Variants in WWOX observed in about 807,000 individuals in gnomAD.
WWOX encodes the protein WW domain containing oxidoreductase.
A neutral mutation model predicts 46.2 loss-of-function variants in WWOX; 69 were observed. The observed-to-expected ratio is 1.49, with a 90% CI of 1.23 to 1.82. WWOX has a LOEUF of 1.82. Ranked by LOEUF, WWOX falls within the 40% of genes most tolerant of loss-of-function variation. WWOX has a pLI of 0.00. For synonymous variants in WWOX, 359 were observed against 202.6 expected (o/e 1.77, Z -6.56); for missense variants, 919 against 542.6 (o/e 1.69, Z -6.89).
At chr16:79,204,171 A>G (rs1362106539) in intron 8 of WWOX, 3 of 152,174 alleles carry the variant, frequency 2.0e-5, no homozygotes, top group Non-Finnish European at 2.9e-5. Flanking sequence ...CCTATTCATA[A>G]AGAAACTGTA....
chr16:79,000,871 A>T (rs186264549), intron 8 of WWOX, among the ~76,000 whole-genome samples: 1 of 152,060 alleles, frequency 6.6e-6, no homozygotes, highest in East Asian at 1.9e-4. Flanking sequence ...TGGCATTGCC[A>T]TGGTTTGTCA....
intron 8 of WWOX, among the ~76,000 whole-genome samples, chr16:78,973,898 G>T (rs1462597087): frequency 2.0e-5 from 3 of 152,214 alleles, no homozygotes; most frequent in African/African-American, 7.2e-5. Flanking sequence ...AAATTTGCAT[G>T]TGTAGAATTT....
intron 8 of WWOX, among the ~76,000 whole-genome samples, chr16:78,463,920 A>C (rs2738660): frequency 0.3 from 46,226 of 152,002 alleles, 8,803 homozygotes; most frequent in African/African-American, 0.55. Context: ...AGGATGTTCA[A>C]TTTGTACTGC....
intron 8 of WWOX, among the ~76,000 whole-genome samples, chr16:78,452,856 C>T (rs2083724875): frequency 7.5e-6 from 1 of 133,044 alleles, no homozygotes; most frequent in Non-Finnish European, 1.5e-5. Context: ...TATTGTTTTC[C>T]AGTGAGCTAT....
chr16:78,777,596 A>T (rs1032892482), intron 8 of WWOX, among the ~76,000 whole-genome samples: 1 of 152,148 alleles, frequency 6.6e-6, no homozygotes, highest in Non-Finnish European at 1.5e-5. Flanking sequence ...TAACACAGAG[A>T]CATGTACAGG....
intron 8 of WWOX, among the ~76,000 whole-genome samples, chr16:78,669,780 G>T (rs952706757): frequency 6.6e-6 from 1 of 152,044 alleles, no homozygotes; most frequent in Non-Finnish European, 1.5e-5. Context: ...ATCCCACATG[G>T]CACCCCTATT....
chr16:78,381,863 T>A (rs1004927845), intron 5 of WWOX, among the ~76,000 whole-genome samples: 1 of 152,076 alleles, frequency 6.6e-6, no homozygotes, highest in Non-Finnish European at 1.5e-5. Context: ...GGTGGTGGGA[T>A]TTTTTTCTTT....
intron 8 of WWOX, among the ~76,000 whole-genome samples, chr16:79,094,511 C>G (rs940059754): frequency 3.9e-5 from 6 of 152,178 alleles, no homozygotes; most frequent in Non-Finnish European, 8.8e-5. Context: ...CTCGGCCTCC[C>G]AAAGTGCTGG....
Position 78,099,736 on chromosome 16 carries a change from C to G in WWOX, c.-43C>G, listed in dbSNP as rs747062183. Reference sequence around the variant, plus strand: ...GAGTGAGTTCCTGAGCGAGTGGACCCGGCAGCGGGCGATAGGGGGGCCAGG... The same window carrying G: ...GAGTGAGTTCCTGAGCGAGTGGACCGGGCAGCGGGCGATAGGGGGGCCAGG... On this transcript the variant is annotated 5_prime_UTR_variant, in exon 1 of 9. Coordinates refer to ENST00000566780, the MANE Select transcript of WWOX (RefSeq NM_016373.4). 1 of 1,514,848 alleles carries G rather than the reference C, an allele frequency of 6.6e-7. No homozygotes were observed. The highest frequency in any genetic ancestry group is 8.8e-7 in the Non-Finnish European group (1 of 1,131,842). The allele number at this position is 1,514,848 out of a possible 1,614,324, so 93.8% of individuals were successfully genotyped here.
intron 5 of WWOX, among the ~76,000 whole-genome samples, chr16:78,266,788 T>TTCTCTCTCTCTC (rs60393431): frequency 0.047 from 5,464 of 115,424 alleles, 313 homozygotes; most frequent in East Asian, 0.066. Context: ...TATTCTTCTA[T>TTCTCTCTCTCTC]TCTCTCTCTC....
chr16:78,305,361 A>G (rs1445505187), intron 5 of WWOX, among the ~76,000 whole-genome samples: 1 of 152,098 alleles, frequency 6.6e-6, no homozygotes, highest in African/African-American at 2.4e-5. Flanking sequence ...CCTTGCTCAC[A>G]ATAGCCAGGA....
At chr16:78,833,757 CT>C (rs1359050088) in intron 8 of WWOX, among the ~76,000 whole-genome samples, 1 of 152,222 alleles carries the variant, frequency 6.6e-6, no homozygotes, top group African/African-American at 2.4e-5. Context: ...ACCCATTTTG[CT>C]GATGAGGAAA....
intron 5 of WWOX, among the ~76,000 whole-genome samples, chr16:78,169,555 C>T (rs17650788): frequency 0.066 from 10,102 of 151,936 alleles, 381 homozygotes; most frequent in Non-Finnish European, 0.093. Context: ...AGCAAGACCT[C>T]GACATTCCAG....
chr16:78,554,649 G>A (rs2151547906), intron 8 of WWOX, among the ~76,000 whole-genome samples: 1 of 152,212 alleles, frequency 6.6e-6, no homozygotes, highest in Non-Finnish European at 1.5e-5. Flanking sequence ...AAATCCCCAG[G>A]ACAGTCTCAT....
chr16:78,732,855 C>G (rs77396241), intron 8 of WWOX, among the ~76,000 whole-genome samples: 1,836 of 152,292 alleles, frequency 0.012, 36 homozygotes, highest in African/African-American at 0.042. Flanking sequence ...TAGGAATTAT[C>G]TCCCTTAGGT....
At chr16:78,725,247 C>G (rs1485777668) in intron 8 of WWOX, among the ~76,000 whole-genome samples, 2 of 152,024 alleles carry the variant, frequency 1.3e-5, no homozygotes, top group Non-Finnish European at 1.5e-5. Context: ...GTCTCCCCAG[C>G]CACGTGAAAT....
intron 1 of WWOX, among the ~76,000 whole-genome samples, chr16:78,104,502 TA>T (rs1403796796): frequency 2.0e-5 from 3 of 151,350 alleles, no homozygotes; most frequent in African/African-American, 7.3e-5. Flanking sequence ...AGACCTTGTC[TA>T]AAAAAAAATT....
intron 8 of WWOX, among the ~76,000 whole-genome samples, chr16:79,075,043 A>G (rs9937803): frequency 0.4 from 61,081 of 151,966 alleles, 12,522 homozygotes; most frequent in East Asian, 0.54. Flanking sequence ...GAAACTCAGT[A>G]TGAAAAATCA....
chr16:78,479,097 G>C (rs2084425705), intron 8 of WWOX, among the ~76,000 whole-genome samples: 1 of 152,008 alleles, frequency 6.6e-6, no homozygotes, highest in Non-Finnish European at 1.5e-5. Flanking sequence ...TTTCCTGAAT[G>C]TAGGAGTATT....
Sources: allele counts gnomAD v4.1 joint callset (sites outside exome capture counted in the v4.1 genomes callset), GRCh38; gene constraint gnomAD v4.1.1; transcripts MANE v1.5; gene names NCBI Gene and HGNC (gene_info 2026-07-23, HGNC 2026-07-21).